The following EXOC6B variants were observed in gnomAD, a reference collection of about 807,000 sequenced individuals.
EXOC6B encodes exocyst complex component 6B, also known as SEC15 homolog B.
A neutral mutation model predicts 113.5 loss-of-function variants in EXOC6B; 54 were observed. The observed-to-expected ratio is 0.48, with a 90% confidence interval of 0.38 to 0.60. The LOEUF is 0.60. Among genes scored for constraint, EXOC6B ranks in the 20% least tolerant of loss-of-function variants. The pLI is 0.00. For synonymous variants in EXOC6B, 357 were observed against 339.0 expected, an observed-to-expected ratio of 1.05 and a Z score of -0.58; for missense variants, 797 against 977.5, an observed-to-expected ratio of 0.82 and a Z score of 2.46.
intron 8 of EXOC6B, among the ~76,000 whole-genome samples, chr2:72,549,870 T>C (rs755871742): frequency 6.6e-6 from 1 of 152,116 alleles, no homozygotes; most frequent in Admixed American, 6.5e-5. Flanking sequence ...TCAGAAAGGC[T>C]GGTAGAGAAT....
At chr2:72,456,236 G>C (rs761366595) in intron 18 of EXOC6B, among the ~76,000 whole-genome samples, 14 of 152,100 alleles carry the variant, frequency 9.2e-5, no homozygotes, top group African/African-American at 1.4e-4. Flanking sequence ...AGAGAATATG[G>C]AAGGAGAAAG....
chr2:72,242,283 G>A (rs562002106), intron 20 of EXOC6B, among the ~76,000 whole-genome samples: 1 of 152,144 alleles, frequency 6.6e-6, no homozygotes, highest in South Asian at 2.1e-4. Context: ...ACTTTCTTTA[G>A]AACAAAAATA....
At chr2:72,797,621 C>G (rs1685035988) in intron 1 of EXOC6B, among the ~76,000 whole-genome samples, 1 of 152,112 alleles carries the variant, frequency 6.6e-6, no homozygotes, top group Non-Finnish European at 1.5e-5. Context: ...TGAGACCAAC[C>G]TGGCCAACAT....
intron 8 of EXOC6B, among the ~76,000 whole-genome samples, chr2:72,551,608 C>G (rs1419547957): frequency 1.3e-5 from 2 of 150,996 alleles, no homozygotes; most frequent in Middle Eastern, 3.5e-3. Context: ...GGGTTCACGC[C>G]ATTCTCCTGC....
intron 18 of EXOC6B, among the ~76,000 whole-genome samples, chr2:72,458,830 C>G (rs1697423833): frequency 6.6e-6 from 1 of 151,938 alleles, no homozygotes; most frequent in South Asian, 2.1e-4. Flanking sequence ...GTAAGGAGTA[C>G]AAAGTGTGGT....
At chr2:72,567,954 G>T (rs1704283836) in intron 7 of EXOC6B, among the ~76,000 whole-genome samples, 1 of 152,026 alleles carries the variant, frequency 6.6e-6, no homozygotes, top group Non-Finnish European at 1.5e-5. Context: ...CCAGAAAGTG[G>T]CATCAATGAG....
chr2:72,218,334 G>A (rs1680660691), intron 20 of EXOC6B, among the ~76,000 whole-genome samples: 1 of 152,116 alleles, frequency 6.6e-6, no homozygotes, highest in Admixed American at 6.5e-5. Context: ...TAGCATTTAT[G>A]CATATTCATG....
chr2:72,324,699 A>G (rs1356604833), intron 20 of EXOC6B, among the ~76,000 whole-genome samples: 1 of 152,168 alleles, frequency 6.6e-6, no homozygotes, highest in Non-Finnish European at 1.5e-5. Context: ...CACAGCTAGT[A>G]ACGTAAGGTC....
At chr2:72,387,963 T>A (rs986430350) in intron 18 of EXOC6B, among the ~76,000 whole-genome samples, 1 of 152,138 alleles carries the variant, frequency 6.6e-6, no homozygotes, top group African/African-American at 2.4e-5. Context: ...AAGTGATCAA[T>A]TTTCCTCTAA....
intron 5 of EXOC6B, among the ~76,000 whole-genome samples, chr2:72,727,489 A>G (rs749594276): frequency 6.6e-6 from 1 of 152,180 alleles, no homozygotes; most frequent in Non-Finnish European, 1.5e-5. Context: ...TGTGATTTGA[A>G]CTGGATTCTT....
intron 20 of EXOC6B, among the ~76,000 whole-genome samples, chr2:72,269,427 GA>G (rs1324981500): frequency 1.3e-5 from 2 of 152,170 alleles, no homozygotes; most frequent in African/African-American, 4.8e-5. Flanking sequence ...CTATCTGAAT[GA>G]ATGCTTGCTA....
intron 6 of EXOC6B, among the ~76,000 whole-genome samples, chr2:72,576,426 A>G (rs769857697): frequency 6.6e-6 from 1 of 152,134 alleles, no homozygotes; most frequent in Non-Finnish European, 1.5e-5. Context: ...AGTCAACAAC[A>G]GAAGCATTAA....
chr2:72,297,986 T>C (rs1452795924), intron 20 of EXOC6B, among the ~76,000 whole-genome samples: 2 of 152,226 alleles, frequency 1.3e-5, no homozygotes, highest in East Asian at 3.8e-4. Context: ...TGGAGAGTTC[T>C]GTAGATGTCT....
chr2:72,369,809 A>T (rs1690888539), intron 19 of EXOC6B, among the ~76,000 whole-genome samples: 1 of 152,242 alleles, frequency 6.6e-6, no homozygotes, highest in African/African-American at 2.4e-5. Context: ...GGCTAGCCGT[A>T]TGTAGAAAGC....
chr2:72,352,503 TTTTC>T (rs1689713363), intron 19 of EXOC6B, among the ~76,000 whole-genome samples: 1 of 152,114 alleles, frequency 6.6e-6, no homozygotes, highest in South Asian at 2.1e-4. Flanking sequence ...CTCTCTCTCC[TTTTC>T]TTTCTTTCAT....
intron 1 of EXOC6B, among the ~76,000 whole-genome samples, chr2:72,748,273 TC>T (rs1681824981): frequency 6.6e-6 from 1 of 152,080 alleles, no homozygotes; most frequent in African/African-American, 2.4e-5. Context: ...ATGGTTTTAT[TC>T]CTCAAACATT....
intron 8 of EXOC6B, among the ~76,000 whole-genome samples, chr2:72,535,209 T>C (rs931511587): frequency 6.6e-6 from 1 of 152,226 alleles, no homozygotes; most frequent in Non-Finnish European, 1.5e-5. Context: ...AATCCCTAGA[T>C]GTACCTCTTC....
At chr2:72,724,158 C>T (rs1680168852) in intron 5 of EXOC6B, among the ~76,000 whole-genome samples, 1 of 151,832 alleles carries the variant, frequency 6.6e-6, no homozygotes, top group African/African-American at 2.4e-5. Context: ...CTAGGACAGG[C>T]ATAGAGAAAG....
At chr2:72,267,373 G>A (rs1172765178) in intron 20 of EXOC6B, among the ~76,000 whole-genome samples, 1 of 152,100 alleles carries the variant, frequency 6.6e-6, no homozygotes, top group Non-Finnish European at 1.5e-5. Flanking sequence ...TGCCCATTCA[G>A]TATGATATTG....
Sources: gnomAD v4.1 joint callset for allele counts (sites outside exome capture counted in the v4.1 genomes callset) on GRCh38, gnomAD v4.1.1 for gene constraint, MANE v1.5 for transcripts, NCBI Gene and HGNC (gene_info 2026-07-23, HGNC 2026-07-21) for gene names.